The following LRRIQ1 variants were observed in gnomAD, a reference collection of about 807,000 sequenced individuals.
The protein encoded by LRRIQ1 is leucine rich repeats and IQ motif containing 1, also known as leucine-rich repeat- and IQ domain-containing protein 1.
In LRRIQ1, 210 loss-of-function variants were observed where a neutral mutation model predicts 211.9. The ratio of observed to expected loss-of-function variants is 0.99; its 90% CI spans 0.89 to 1.11. LRRIQ1 has a LOEUF of 1.11. LRRIQ1 is among the 50% of genes most tolerant of loss of function. LRRIQ1 has a pLI of 0.00. For missense variants in LRRIQ1, 2,136 were observed against 1,939.5 expected (o/e 1.10, Z -1.90); for synonymous variants, 699 against 650.1 (o/e 1.08, Z -1.14).
intron 23 of LRRIQ1, among the ~76,000 whole-genome samples, chr12:85,157,757 T>C (rs958600342): frequency 6.6e-6 from 1 of 151,816 alleles, no homozygotes; most frequent in Non-Finnish European, 1.5e-5. Flanking sequence ...CTCAGAGTGC[T>C]CAGAGAGAAT....
chr12:85,055,410 T>C lies in LRRIQ1; in HGVS notation c.754-137T>C. On this transcript the variant is annotated intron_variant, in intron 7 of 26. Coordinates refer to ENST00000393217, the MANE Select transcript of LRRIQ1 (RefSeq NM_001079910.2). ...ACCCTTTAAGATAAATGACTTTAGT[T>C]TCTCTAAATAAATTTTATAGAAACT... The C allele has an allele frequency of 4.5e-6, 3 of 662,408 alleles. No homozygotes were observed. In the South Asian group the frequency reaches 1.6e-4, roughly 36 times the overall value. 41.0% of individuals were successfully genotyped at this position (662,408 alleles called of 1,614,324 possible).
intron 7 of LRRIQ1, 55 bp from the exon 8 acceptor site, chr12:85,055,492 A>C: frequency 7.8e-7 from 1 of 1,281,030 alleles, no homozygotes; most frequent in African/African-American, 1.5e-5. Flanking sequence ...ATGACATTTT[A>C]GTAACATCTC....
intron 24 of LRRIQ1, among the ~76,000 whole-genome samples, chr12:85,227,300 G>C (rs1284228308): frequency 6.6e-6 from 1 of 151,908 alleles, no homozygotes; most frequent in African/African-American, 2.4e-5. Context: ...TATACTGTAA[G>C]TTTTAGGGTA....
chr12:85,231,580 A>G lies in LRRIQ1; in HGVS notation c.4956-1116A>G, dbSNP rs899783525. Among the ~76,000 whole-genome samples the G allele has an allele frequency of 9.2e-5, 14 of 152,300 alleles. No homozygotes were observed. The South Asian group carries it at 1.0e-3, about 11-fold the overall frequency. On this transcript the variant is annotated intron_variant, in intron 25 of 26. Transcript: ENST00000393217. Reference sequence around the variant, plus strand: ...TTCTGCAGGCTGAGTTGTTCAAGGAACATGGCACCAGAATCTGCTTGGTGT... The same window carrying G: ...TTCTGCAGGCTGAGTTGTTCAAGGAGCATGGCACCAGAATCTGCTTGGTGT...
At chr12:85,088,715 A>T (rs1254059670) in intron 11 of LRRIQ1, among the ~76,000 whole-genome samples, 2 of 152,118 alleles carry the variant, frequency 1.3e-5, no homozygotes, top group Non-Finnish European at 2.9e-5. Context: ...GCAGTTGTGA[A>T]TGGAGTTACT....
chr12:85,113,641 T>A (rs1049219088), intron 15 of LRRIQ1, among the ~76,000 whole-genome samples: 1 of 152,098 alleles, frequency 6.6e-6, no homozygotes, highest in Non-Finnish European at 1.5e-5. Context: ...CCGCCAAGTT[T>A]TTCTATTGAA....
At chr12:85,227,804 G>T (rs184549270) in intron 24 of LRRIQ1, among the ~76,000 whole-genome samples, 1 of 152,184 alleles carries the variant, frequency 6.6e-6, no homozygotes, top group African/African-American at 2.4e-5. Flanking sequence ...CAACAGCATG[G>T]TACTGGTACC....
intron 24 of LRRIQ1, among the ~76,000 whole-genome samples, chr12:85,194,269 CAGAA>C (rs1311812833): frequency 1.8e-5 from 2 of 112,442 alleles, no homozygotes; most frequent in African/African-American, 7.1e-5. Context: ...ATCAACGAGA[CAGAA>C]AGTCAACAAG....
intron 24 of LRRIQ1, among the ~76,000 whole-genome samples, chr12:85,176,887 C>T (rs1043856649): frequency 9.9e-5 from 15 of 151,702 alleles, no homozygotes; most frequent in Non-Finnish European, 1.5e-5. Context: ...TGGCCTGTTT[C>T]TTTGTTTTGT....
chr12:85,194,873 TG>T (rs879603308), intron 24 of LRRIQ1, among the ~76,000 whole-genome samples: 16 of 151,982 alleles, frequency 1.1e-4, no homozygotes, highest in Non-Finnish European at 1.6e-4. Flanking sequence ...AAAAAATTAA[TG>T]AATCCAGGAG....
At chr12:85,128,920 C>T (rs1313737114) in intron 18 of LRRIQ1, among the ~76,000 whole-genome samples, 2 of 152,174 alleles carry the variant, frequency 1.3e-5, no homozygotes. Flanking sequence ...TCTCACCAGT[C>T]TGATATCAAA....
intron 24 of LRRIQ1, among the ~76,000 whole-genome samples, chr12:85,194,689 T>C (rs1049056697): frequency 6.6e-6 from 1 of 151,722 alleles, no homozygotes; most frequent in Non-Finnish European, 1.5e-5. Flanking sequence ...AGAGGGAAAT[T>C]TATAGCACTA....
intron 8 of LRRIQ1, among the ~76,000 whole-genome samples, chr12:85,059,702 T>C (rs1881557270): frequency 6.6e-6 from 1 of 151,948 alleles, no homozygotes; most frequent in African/African-American, 2.4e-5. Context: ...GATGAATCAA[T>C]TGATGAATAA....
intron 26 of LRRIQ1, 135 bp downstream of exon 26, chr12:85,232,891 A>G: frequency 1.7e-6 from 1 of 598,498 alleles, no homozygotes; most frequent in Non-Finnish European, 2.9e-6. Context: ...TCAAAATATC[A>G]TGTGTTAAAA....
chr12:85,059,460 G>A (rs1268759720), intron 8 of LRRIQ1, among the ~76,000 whole-genome samples: 1 of 151,964 alleles, frequency 6.6e-6, no homozygotes, highest in Non-Finnish European at 1.5e-5. Context: ...TCATGTGACT[G>A]ACTGGGAGAT....
downstream of LRRIQ1, among the ~76,000 whole-genome samples, chr12:85,269,378 A>G (rs998795446): frequency 6.6e-6 from 1 of 152,040 alleles, no homozygotes; most frequent in African/African-American, 2.4e-5. Flanking sequence ...GTTAGGGGAA[A>G]TGGTAATTTA....
At chr12:85,089,188 A>G (rs867738022) in intron 11 of LRRIQ1, among the ~76,000 whole-genome samples, 21 of 152,286 alleles carry the variant, frequency 1.4e-4, no homozygotes, top group Middle Eastern at 6.8e-3. Flanking sequence ...TTCTGCATCT[A>G]TTGAGATAAT....
At position 85,163,136 on chromosome 12, in the gene LRRIQ1, A is replaced by G. The variant is rs1254968648; in HGVS notation, c.4822+2422A>G. ...AGCTTCCAAAGAAATATCCCAACTT[A>G]CCCCTACTGCCCAGTAGAGAGTGCC... On this transcript the variant is annotated intron_variant, in intron 24 of 26. Coordinates refer to ENST00000393217, the MANE Select transcript of LRRIQ1 (RefSeq NM_001079910.2). 2.6e-5 allele frequency among the ~76,000 whole-genome samples: 4 copies of G among 151,938 alleles called. No individual in the cohort carries two copies. The East Asian group carries it at 7.7e-4, about 29-fold the overall frequency.
intron 23 of LRRIQ1, among the ~76,000 whole-genome samples, chr12:85,156,803 A>C (rs539638437): frequency 2.0e-5 from 3 of 151,828 alleles, no homozygotes; most frequent in South Asian, 2.1e-4. Flanking sequence ...GACTAACTAG[A>C]TCTACGGGAG....
Sources: gnomAD v4.1 joint callset for allele counts (sites outside exome capture counted in the v4.1 genomes callset) on GRCh38, gnomAD v4.1.1 for gene constraint, MANE v1.5 for transcripts, NCBI Gene and HGNC (gene_info 2026-07-23, HGNC 2026-07-21) for gene names.